The following TSEN34 variants were observed in gnomAD, a reference collection of about 807,000 sequenced individuals.
TSEN34 encodes tRNA splicing endonuclease subunit 34, also known as tRNA-splicing endonuclease subunit Sen34.
TSEN34 carries 25 observed loss-of-function variants against 30.2 expected under a neutral mutation model. The observed-to-expected ratio is 0.83, with a 90% CI of 0.60 to 1.16. The LOEUF (loss-of-function observed/expected upper bound fraction) is 1.16. Ranked by LOEUF, TSEN34 falls within the 50% of genes most tolerant of loss-of-function variation. The probability of loss-of-function intolerance (pLI) is 0.00; values close to 1 mark genes in which losing one functional copy is unlikely to be tolerated. For synonymous variants in TSEN34, 209 were observed against 177.4 expected (o/e 1.18, Z -1.41); for missense variants, 475 against 411.9 (o/e 1.15, Z -1.33).
chr19:54,191,170 G>A, upstream of TSEN34: 4 of 1,383,384 alleles, frequency 2.9e-6, no homozygotes, highest in Non-Finnish European at 3.7e-6. Context: ...CGGCCGCGAG[G>A]CCTGGTGGGA....
upstream of TSEN34, chr19:54,191,264 G>T: frequency 6.6e-7 from 1 of 1,516,410 alleles, no homozygotes; most frequent in East Asian, 2.5e-5. Context: ...AGGCCTAGGG[G>T]CGGGGCTTCG....
rs1425924595 is a variant in TSEN34, at chr19:54,193,576, G to A, written c.*214G>A. 3.3e-6 allele frequency: 5 copies of A among 1,512,260 alleles called. No homozygotes were observed. Among genetic ancestry groups the A allele is most frequent in the Non-Finnish European group, 4.4e-6 (5 of 1,125,182 alleles). The allele number at this position is 1,512,260 out of a possible 1,614,324, so 93.7% of individuals were successfully genotyped here. On this transcript the variant is annotated 3_prime_UTR_variant, in exon 4 of 4. Transcript: ENST00000396388. ...GTAGTTACCTATTTTCACACTGTGA[G>A]CTTCCCGAGAATGGGGCCTGGGTTT...
upstream of TSEN34, chr19:54,190,387 T>A: frequency 1.3e-6 from 2 of 1,502,364 alleles, no homozygotes; most frequent in Non-Finnish European, 1.8e-6. Context: ...TCGCTGGTTC[T>A]ATCGGTGGAC....
Position 54,193,503 on chromosome 19 carries a change from C to CT in TSEN34, c.*147dup, listed in dbSNP as rs1474115215. On this transcript the variant is annotated 3_prime_UTR_variant, in exon 4 of 4. Transcript: ENST00000396388. ...GATTCCAGGTTTTCGAACACTACAT[C>CT]TTTTTTATGTTCTTCCTTGTTTCAA... is the stretch of plus-strand genomic sequence containing the variant. 1 of 1,545,190 alleles carries CT rather than the reference C, an allele frequency of 6.5e-7. No individual in the cohort carries two copies. The highest frequency in any genetic ancestry group is 1.2e-5 in the South Asian group (1 of 84,222).
chr19:54,192,610 A>G (rs980824748), intron 3 of TSEN34, among the ~76,000 whole-genome samples: 5 of 152,064 alleles, frequency 3.3e-5, no homozygotes, highest in African/African-American at 1.2e-4. Flanking sequence ...TGAAATTCAT[A>G]GACAGACAGG....
In TSEN34 at chr19:54,193,774, C is replaced by T. The variant is rs559620190; in HGVS notation, c.*412C>T. The T allele has an allele frequency of 5.8e-6, 4 of 691,174 alleles. No homozygotes were observed. Among genetic ancestry groups the T allele is most frequent in the South Asian group, 3.0e-5 (2 of 66,244 alleles). 42.8% of individuals were successfully genotyped at this position (691,174 alleles called of 1,614,324 possible). On this transcript the variant is annotated 3_prime_UTR_variant, in exon 4 of 4. Transcript: ENST00000396388. ...GGGGACTGACTTGCCCAAAGTCACA[C>T]ACTTAGTAAATAGCAGGCCTGGCCT...
At chr19:54,192,664 G>A (rs936781239) in intron 3 of TSEN34, among the ~76,000 whole-genome samples, 7 of 152,190 alleles carry the variant, frequency 4.6e-5, no homozygotes, top group African/African-American at 1.4e-4. Context: ...GCAGTTTAAC[G>A]ACTTTTATTA....
intron 3 of TSEN34, 21 bp from the exon 4 acceptor site, chr19:54,193,154 G>C: frequency 1.2e-6 from 2 of 1,612,508 alleles, no homozygotes; most frequent in Non-Finnish European, 1.7e-6. Flanking sequence ...CACTGCTTCA[G>C]TGCCTCTCTC....
At position 54,193,380 on chromosome 19, in the gene TSEN34, G is replaced by C; in HGVS notation, c.*18G>C. 1 of 1,614,086 alleles carries C rather than the reference G, an allele frequency of 6.2e-7. No individual in the cohort carries two copies. The highest frequency in any genetic ancestry group is 8.5e-7 in the Non-Finnish European group (1 of 1,179,988). On this transcript the variant is annotated 3_prime_UTR_variant, in exon 4 of 4. Coordinates refer to ENST00000396388, the MANE Select transcript of TSEN34 (RefSeq NM_001077446.4). ...TGCAGTGAACTCCAGAGACCTAGGG[G>C]ATGTGGCTGTGTCGGCAGCAAGAGC...
At chr19:54,191,059 C>CAG (rs1396071254), upstream of TSEN34, 1 of 1,266,788 alleles carries the variant, frequency 7.9e-7, no homozygotes, top group Admixed American at 4.2e-5. Flanking sequence ...AGTGCGGGCA[C>CAG]AGAGCGGGTG....
upstream of TSEN34, chr19:54,190,950 G>T: frequency 9.4e-7 from 1 of 1,064,018 alleles, no homozygotes; most frequent in Non-Finnish European, 1.1e-6. Flanking sequence ...CGCCCACTTT[G>T]CAAGAGGGTG....
rs190495812 is a variant in TSEN34 at position 54,193,858 on chromosome 19, T to A, written c.*496T>A. Reference sequence around the variant, plus strand: ...ACTCTTTCTACCTCACTAAACTTCCTTTTGAAAAGATTTCTATGAAATTTC... The same window carrying A: ...ACTCTTTCTACCTCACTAAACTTCCATTTGAAAAGATTTCTATGAAATTTC... On this transcript the variant is annotated 3_prime_UTR_variant, in exon 4 of 4. Transcript: ENST00000396388. 852 of 585,450 alleles carry A rather than the reference T, an allele frequency of 1.5e-3. 2 individuals carry two copies. The highest frequency in any genetic ancestry group is 1.9e-3 in the Non-Finnish European group (619 of 330,390). 36.3% of individuals were successfully genotyped at this position (585,450 alleles called of 1,614,324 possible). A position where few individuals can be genotyped will look rare whatever the true frequency, so the allele number is the denominator to read the frequency against.
Position 54,191,740 on chromosome 19 carries a change from G to T in TSEN34, c.263G>T (p.Arg88Leu). The T allele has an allele frequency of 1.9e-6, 3 of 1,614,090 alleles. No homozygotes were observed. Among genetic ancestry groups the T allele is most frequent in the East Asian group, 2.2e-5 (1 of 44,874 alleles). ...TCTCAGGCCCTGACATCCTTCAAGC[G>T]CCAGCAAGAGGAGAGCTTCCAGGAG... Reference protein sequence around the residue: ...HHSLALTSFKRQQEESFQEQS... With the variant: ...HHSLALTSFKLQQEESFQEQS... Residue 88 changes from arginine to leucine, a missense_variant, in exon 2 of 4, where the codon CGC becomes CTC. Arg to Leu is a moderately radical substitution (Grantham distance 102). Transcript: ENST00000396388.
In TSEN34 at chr19:54,192,162, G is replaced by A. The variant is rs776027971; in HGVS notation, c.534G>A (p.Leu178=). Residue 178 remains leucine (L), a synonymous_variant, in exon 3 of 4, where the codon TTG becomes TTA. Coordinates refer to ENST00000396388, the MANE Select transcript of TSEN34 (RefSeq NM_001077446.4). The part of the protein sequence containing the change: ...QAGPSNGVAP[L]PRSALLVQLA... Reference sequence around the variant, plus strand: ...GACCCTCAAATGGGGTAGCCCCCTTGCCCAGATCTGCTCTCCTTGTCCAGC... The same window carrying A: ...GACCCTCAAATGGGGTAGCCCCCTTACCCAGATCTGCTCTCCTTGTCCAGC... 1.2e-6 allele frequency: 2 copies of A among 1,614,170 alleles called. No homozygotes were observed. Among genetic ancestry groups the A allele is most frequent in the Non-Finnish European group, 1.7e-6 (2 of 1,180,022 alleles).
In TSEN34 at chr19:54,193,417, T is replaced by C. The variant is rs865931264; in HGVS notation, c.*55T>C. The C allele has an allele frequency of 1.9e-6, 3 of 1,610,140 alleles. No individual in the cohort carries two copies. The highest frequency in any genetic ancestry group is 3.3e-4 in the Middle Eastern group (2 of 6,026). ...TCGGCAGCAAGAGCCTTTCTGGATGTTCCCCAGCTCTTCTCTGGGAGTCTA... is the reference window on the plus strand; with the variant it reads ...TCGGCAGCAAGAGCCTTTCTGGATGCTCCCCAGCTCTTCTCTGGGAGTCTA... On this transcript the variant is annotated 3_prime_UTR_variant, in exon 4 of 4. Coordinates refer to ENST00000396388, the MANE Select transcript of TSEN34 (RefSeq NM_001077446.4).
chr19:54,192,432 T>C, intron 3 of TSEN34, 59 bp downstream of exon 3: 1 of 1,570,704 alleles, frequency 6.4e-7, no homozygotes, highest in African/African-American at 1.5e-5. Context: ...CAATGTATTC[T>C]GCGTTTTTCT....
At position 54,191,497 on chromosome 19, in the gene TSEN34, C is replaced by T. The variant is rs754516179; in HGVS notation, c.133C>T (p.Arg45Cys). 3.2e-6 allele frequency: 5 copies of T among 1,572,340 alleles called. No individual in the cohort carries two copies. Among genetic ancestry groups the T allele is most frequent in the East Asian group, 2.3e-5 (1 of 42,780 alleles). ...ALPRGPRQNSRLGLPLLLMPE... is the reference protein window; with the variant it reads ...ALPRGPRQNSCLGLPLLLMPE... ...GCCCCGCGGGCCCCGCCAGAACTCG[C>T]GCCTGGGCCTCCCGCTGCTGCTGAT... is the stretch of plus-strand genomic sequence containing the variant. The change falls in exon 1 of 4, where the codon CGC (arginine) becomes TGC (cysteine). Residue 45 changes from arginine to cysteine, a missense_variant. Physicochemically the swap from Arg to Cys is radical, Grantham distance 180 (BLOSUM62 -3). Coordinates refer to ENST00000396388, the MANE Select transcript of TSEN34 (RefSeq NM_001077446.4).
chr19:54,190,630 T>C (rs1228572003), upstream of TSEN34: 2 of 1,225,816 alleles, frequency 1.6e-6, no homozygotes, highest in Non-Finnish European at 2.0e-6. Context: ...ACCTATTGCG[T>C]CCGGGAGGAG....
At chr19:54,190,243 T>G (rs926363339), upstream of TSEN34, 146 of 957,788 alleles carry the variant, frequency 1.5e-4, no homozygotes, top group Middle Eastern at 1.2e-3. Context: ...GGGACCTGAC[T>G]TCCCGCGGCG....
Sources: allele counts gnomAD v4.1 joint callset (sites outside exome capture counted in the v4.1 genomes callset), GRCh38; gene constraint gnomAD v4.1.1; transcripts MANE v1.5; gene names NCBI Gene and HGNC (gene_info 2026-07-23, HGNC 2026-07-21).